MYZAP: variants seen among roughly 807,000 people sequenced by gnomAD.
MYZAP encodes myocardial zonula adherens protein.
MYZAP carries 66 observed loss-of-function variants against 69.4 expected under a neutral mutation model. The observed-to-expected ratio is 0.95, with a 90% CI of 0.78 to 1.17. The LOEUF is 1.17. Among genes scored for constraint, MYZAP ranks in the 50% most tolerant of loss-of-function variants. MYZAP has a pLI of 0.00. For synonymous variants in MYZAP, 256 were observed against 205.9 expected, an observed-to-expected ratio of 1.24 and a Z score of -2.09; for missense variants, 611 against 556.2, an observed-to-expected ratio of 1.10 and a Z score of -0.99.
chr15:57,660,225 T>G (rs1161312735), intron 10 of MYZAP, among the ~76,000 whole-genome samples: 1 of 152,216 alleles, frequency 6.6e-6, no homozygotes, highest in African/African-American at 2.4e-5. Context: ...ATGGAATTGC[T>G]GAGTCAAAGG....
At chr15:57,665,267 G>T (rs1421359745) in intron 11 of MYZAP, among the ~76,000 whole-genome samples, 3 of 152,232 alleles carry the variant, frequency 2.0e-5, no homozygotes, top group Non-Finnish European at 4.4e-5. Context: ...TCCTGGGAGG[G>T]TGAGGCTGGA....
chr15:57,672,456 A>G (rs569488130), intron 11 of MYZAP, among the ~76,000 whole-genome samples: 23 of 152,278 alleles, frequency 1.5e-4, no homozygotes, highest in Non-Finnish European at 1.8e-4. Flanking sequence ...GTTGTTTCTA[A>G]TCTGTTATTC....
intron 11 of MYZAP, 56 bp downstream of exon 11, chr15:57,661,589 G>A (rs1788301947): frequency 6.9e-7 from 1 of 1,453,816 alleles, no homozygotes; most frequent in South Asian, 1.2e-5. Context: ...ATTTTATGTT[G>A]CTAAGCCTAC....
rs575084572 is a variant in MYZAP at position 57,595,686 on chromosome 15, C to T, written c.75+3577C>T. ...ATGATAGATCTGTCAAGGATCTTCT[C>T]CAGCACCTTGCTCTCTTGATAATAA... On this transcript the variant is annotated intron_variant, in intron 1 of 12. Coordinates refer to ENST00000267853, the MANE Select transcript of MYZAP (RefSeq NM_001018100.5). Among the ~76,000 whole-genome samples, 45 of 152,154 alleles carry T rather than the reference C, an allele frequency of 3.0e-4. 1 individual carries two copies. Among genetic ancestry groups the T allele is most frequent in the Non-Finnish European group, 6.0e-4 (41 of 68,028 alleles).
chr15:57,645,865 T>C (rs1250205910), intron 10 of MYZAP, among the ~76,000 whole-genome samples: 2 of 152,228 alleles, frequency 1.3e-5, no homozygotes, highest in South Asian at 2.1e-4. Flanking sequence ...AGAATATTTA[T>C]ACAAAAAGCG....
chr15:57,668,895 T>TATATATATA (rs1491406509), intron 11 of MYZAP, among the ~76,000 whole-genome samples: 7 of 51,634 alleles, frequency 1.4e-4, no homozygotes, highest in African/African-American at 5.0e-4. Flanking sequence ...TATATATATA[T>TATATATATA]TTTTTTTTTT....
At chr15:57,656,982 C>G (rs1407804209) in intron 10 of MYZAP, among the ~76,000 whole-genome samples, 4 of 152,172 alleles carry the variant, frequency 2.6e-5, no homozygotes, top group Non-Finnish European at 4.4e-5. Context: ...GCCCTCTGCT[C>G]TCTCATGAGA....
At chr15:57,655,412 T>TA (rs1325837761) in intron 10 of MYZAP, among the ~76,000 whole-genome samples, 1 of 152,128 alleles carries the variant, frequency 6.6e-6, no homozygotes, top group East Asian at 1.9e-4. Context: ...CGTGCCATGC[T>TA]AGTGAGTTCG....
chr15:57,640,696 T>C (rs2037100930), intron 10 of MYZAP, among the ~76,000 whole-genome samples: 1 of 152,210 alleles, frequency 6.6e-6, no homozygotes, highest in Non-Finnish European at 1.5e-5. Context: ...TCTTTTTTTA[T>C]TGTGTGTAGG....
chr15:57,617,840 AAGC>A (rs1242296567), intron 2 of MYZAP, among the ~76,000 whole-genome samples, 190 bp from the exon 3 acceptor site: 1 of 152,140 alleles, frequency 6.6e-6, no homozygotes, highest in Admixed American at 6.5e-5. Context: ...TCCGGGGTAA[AAGC>A]AGCCCAAGCC....
At chr15:57,614,194 C>T (rs1048089074) in intron 2 of MYZAP, among the ~76,000 whole-genome samples, 2 of 152,206 alleles carry the variant, frequency 1.3e-5, no homozygotes, top group African/African-American at 4.8e-5. Context: ...GAGTAATTCC[C>T]AGACCTCTCC....
At chr15:57,601,270 A>C (rs1042904467) in intron 1 of MYZAP, among the ~76,000 whole-genome samples, 10 of 97,756 alleles carry the variant, frequency 1.0e-4, no homozygotes, top group Non-Finnish European at 1.9e-4. Context: ...ACGTGTGTGC[A>C]CACTTGTGTG....
At chr15:57,633,524 G>A (rs1025676451) in intron 7 of MYZAP, 89 bp from the exon 8 acceptor site, 67 of 1,400,090 alleles carry the variant, frequency 4.8e-5, no homozygotes, top group East Asian at 2.6e-5. Flanking sequence ...AAGAGAAATC[G>A]TGATCTAGCA....
rs779186470 is a variant in MYZAP, at chr15:57,633,695, A to C, written c.887A>C (p.Asp296Ala). 6.2e-7 allele frequency: 1 copy of C among 1,613,124 alleles called. No individual in the cohort carries two copies. Among genetic ancestry groups the C allele is most frequent in the Non-Finnish European group, 8.5e-7 (1 of 1,179,574 alleles). The change falls in exon 8 of 13, where the codon GAC (aspartate) becomes GCC (alanine). Residue 296 changes from aspartate (D) to alanine (A), a missense_variant. Coordinates refer to ENST00000267853, the MANE Select transcript of MYZAP (RefSeq NM_001018100.5). ...GCAGAGATCAGCCTAGAGGAGAAAG[A>C]CCAGAGGATCGGGGAGCTGGACAGG... The part of the protein sequence containing the change: ...QAAEISLEEK[D>A]QRIGELDRLI...
At chr15:57,659,706 A>C (rs1195953540) in intron 10 of MYZAP, among the ~76,000 whole-genome samples, 1 of 152,336 alleles carries the variant, frequency 6.6e-6, no homozygotes, top group Admixed American at 6.5e-5. Flanking sequence ...CCAATTTGAT[A>C]TACATCGTTT....
At chr15:57,646,147 A>T (rs1339059629) in intron 10 of MYZAP, 1 of 1,289,374 alleles carries the variant, frequency 7.8e-7, no homozygotes, top group Non-Finnish European at 1.0e-6. Flanking sequence ...ATCATGTCGC[A>T]CGAGCTCTTC....
intron 2 of MYZAP, among the ~76,000 whole-genome samples, chr15:57,607,508 G>A (rs1329162822): frequency 2.6e-5 from 4 of 152,016 alleles, no homozygotes; most frequent in Non-Finnish European, 5.9e-5. Flanking sequence ...TGCAAACCAA[G>A]CAAAAGTGGT....
chr15:57,656,222 A>C (rs2038004351), intron 10 of MYZAP, among the ~76,000 whole-genome samples: 1 of 152,196 alleles, frequency 6.6e-6, no homozygotes, highest in Admixed American at 6.5e-5. Flanking sequence ...GCCTCCAAGC[A>C]TCTGATCCAG....
chr15:57,639,708 A>T (rs562386211), intron 10 of MYZAP, among the ~76,000 whole-genome samples, 163 bp downstream of exon 10: 2 of 152,128 alleles, frequency 1.3e-5, no homozygotes, highest in African/African-American at 4.8e-5. Flanking sequence ...CATGTCCCCC[A>T]TGGACTGATG....
Sources: gnomAD v4.1 joint callset for allele counts (sites outside exome capture counted in the v4.1 genomes callset) on GRCh38, gnomAD v4.1.1 for gene constraint, MANE v1.5 for transcripts, NCBI Gene and HGNC (gene_info 2026-07-23, HGNC 2026-07-21) for gene names.